FILIP1L: variants seen among roughly 807,000 people sequenced by gnomAD.
The protein encoded by FILIP1L is filamin A-interacting protein 1-like.
In FILIP1L, 55 loss-of-function variants were observed where a neutral mutation model predicts 96.6. The ratio of observed to expected loss-of-function variants is 0.57; its 90% confidence interval spans 0.46 to 0.71. The LOEUF is 0.71. Among genes scored for constraint, FILIP1L ranks in the 30% least tolerant of loss-of-function variants. FILIP1L has a pLI of 0.00. For synonymous variants in FILIP1L, 467 were observed against 473.9 expected (o/e 0.99, Z 0.19); for missense variants, 1,304 against 1,321.2 (o/e 0.99, Z 0.20).
intron 1 of FILIP1L, among the ~76,000 whole-genome samples, chr3:100,111,945 C>T (rs998074823): frequency 2.0e-5 from 3 of 152,184 alleles, no homozygotes; most frequent in African/African-American, 4.8e-5. Flanking sequence ...AGTAATCAGA[C>T]TCTCTGTGCA....
chr3:100,081,240 A>G (rs1265966875), intron 1 of FILIP1L, among the ~76,000 whole-genome samples: 1 of 152,218 alleles, frequency 6.6e-6, no homozygotes, highest in East Asian at 1.9e-4. Flanking sequence ...TGTTCAAGAG[A>G]TAAATCATCT....
rs1353431293 is a variant in FILIP1L at position 99,850,126 on chromosome 3, T to A, written c.1550A>T (p.Lys517Ile). Residue 517 changes from lysine to isoleucine, a missense_variant, in exon 5 of 6, where the codon AAA (lysine) becomes ATA (isoleucine). Transcript: ENST00000477258. ...AAGCTGAGAAGAAGCAGCTTGTAAT[T>A]TATCTTCAGTTTTCTTTAATTTTTC... is the stretch of plus-strand genomic sequence containing the variant. ...MSEKLKKTED[K>I]LQAASSQLQV... 4.3e-6 allele frequency: 7 copies of A among 1,612,396 alleles called. No individual in the cohort carries two copies. The African/African-American group carries it at 8.0e-5, about 18-fold the overall frequency.
chr3:100,055,966 G>A (rs1432705978), intron 1 of FILIP1L, among the ~76,000 whole-genome samples: 2 of 152,126 alleles, frequency 1.3e-5, no homozygotes, highest in Admixed American at 1.3e-4. Context: ...CTTGTGTATG[G>A]AGTCCAAGCT....
chr3:99,996,791 G>A (rs1254857727), intron 1 of FILIP1L, among the ~76,000 whole-genome samples: 2 of 151,730 alleles, frequency 1.3e-5, no homozygotes, highest in Non-Finnish European at 2.9e-5. Context: ...GGGGAAAACC[G>A]GCCCCATGAT....
In FILIP1L at chr3:99,849,026, C is replaced by G. The variant is rs28362487; in HGVS notation, c.2650G>C (p.Ala884Pro). Residue 884 changes from alanine to proline, a missense_variant, in exon 5 of 6, where the codon GCC (alanine) becomes CCC (proline). Coordinates refer to ENST00000477258, the MANE Select transcript of FILIP1L (RefSeq NM_001387850.1). ...AGATCTCCAGGTTGCACAAAGTTGG[C>G]ATTGGGTTTAGTTTGCATTTTTCCA... is the stretch of plus-strand genomic sequence containing the variant. ...QNGKMQTKPN[A>P]NFVQPGDLVL... is the part of the protein sequence containing the mutation. The G allele has an allele frequency of 3.4e-4, 551 of 1,614,056 alleles. 9 individuals are homozygous for G. In the East Asian group the frequency reaches 0.012, roughly 36 times the overall value.
In FILIP1L at chr3:99,924,333, G is replaced by C. The variant is rs767721300; in HGVS notation, c.502C>G (p.Arg168Gly). ...TCCAACTCCAATATGGTTTGCCTAC[G>C]GGATTTTTCTGCCACTAAAAGCTGT... ...LGQLLVAEKS[R>G]RQTILELEEE... The change falls in exon 4 of 6, where the codon CGT becomes GGT. Residue 168 changes from arginine to glycine, a missense_variant. Coordinates refer to ENST00000477258, the MANE Select transcript of FILIP1L (RefSeq NM_001387850.1). 1 of 1,613,892 alleles carries C rather than the reference G, an allele frequency of 6.2e-7. No homozygotes were observed. Among genetic ancestry groups the C allele is most frequent in the Admixed American group, 1.7e-5 (1 of 60,018 alleles).
intron 1 of FILIP1L, among the ~76,000 whole-genome samples, chr3:99,996,389 C>T (rs1709681323): frequency 6.6e-6 from 1 of 152,200 alleles, no homozygotes; most frequent in Admixed American, 6.5e-5. Context: ...CAAAGCCATT[C>T]AGCAAGTCTC....
chr3:100,022,660 A>G (rs1264844448), intron 1 of FILIP1L, among the ~76,000 whole-genome samples: 2 of 152,200 alleles, frequency 1.3e-5, no homozygotes, highest in African/African-American at 2.4e-5. Context: ...AAAGAGGGAG[A>G]TTCCATTCTG....
intron 4 of FILIP1L, among the ~76,000 whole-genome samples, chr3:99,864,916 A>C (rs549975929): frequency 3.3e-5 from 5 of 152,300 alleles, no homozygotes; most frequent in African/African-American, 9.6e-5. Context: ...GTATGTGCGC[A>C]CACACGCATC....
intron 1 of FILIP1L, among the ~76,000 whole-genome samples, chr3:100,077,763 AGC>A: frequency 6.6e-6 from 1 of 152,260 alleles, no homozygotes; most frequent in South Asian, 2.1e-4. Context: ...TAAAAAAATT[AGC>A]CAAGCATGGC....
At chr3:100,010,612 CTTT>C (rs71625546) in intron 1 of FILIP1L, among the ~76,000 whole-genome samples, 1 of 141,466 alleles carries the variant, frequency 7.1e-6, no homozygotes, top group Non-Finnish European at 1.5e-5. Context: ...GTTTTTCTTT[CTTT>C]TTTTTTTTTT....
At chr3:99,866,002 C>T (rs1432920110) in intron 4 of FILIP1L, among the ~76,000 whole-genome samples, 1 of 151,952 alleles carries the variant, frequency 6.6e-6, no homozygotes, top group Non-Finnish European at 1.5e-5. Context: ...TTAGATATTG[C>T]ACGTGGGCAT....
intron 5 of FILIP1L, among the ~76,000 whole-genome samples, chr3:99,832,507 G>C (rs1391807882): frequency 6.9e-6 from 1 of 144,082 alleles, no homozygotes; most frequent in Non-Finnish European, 1.5e-5. Context: ...TGGGATTACA[G>C]GTGTGAGCCA....
intron 1 of FILIP1L, among the ~76,000 whole-genome samples, chr3:100,042,483 T>A (rs1221818893): frequency 6.6e-6 from 1 of 152,202 alleles, no homozygotes; most frequent in Non-Finnish European, 1.5e-5. Flanking sequence ...TTGTGCACCT[T>A]TTGACTAATC....
intron 4 of FILIP1L, chr3:99,876,169 A>T: frequency 1.0e-6 from 1 of 985,548 alleles, no homozygotes; most frequent in Non-Finnish European, 1.2e-6. Context: ...TCGCCCGAAC[A>T]ATGCGAGCGG....
At chr3:99,831,994 G>T (rs1230193393) in intron 5 of FILIP1L, among the ~76,000 whole-genome samples, 1 of 152,172 alleles carries the variant, frequency 6.6e-6, no homozygotes, top group Non-Finnish European at 1.5e-5. Flanking sequence ...GGTGGAGCTC[G>T]TTTCTTTTGA....
intron 5 of FILIP1L, among the ~76,000 whole-genome samples, chr3:99,843,012 C>T (rs537373379): frequency 4.4e-4 from 67 of 152,294 alleles, no homozygotes; most frequent in African/African-American, 1.3e-3. Flanking sequence ...GGAAAGGGTC[C>T]ATCTGCTGGA....
intron 4 of FILIP1L, among the ~76,000 whole-genome samples, chr3:99,892,614 A>G (rs1324539617): frequency 6.6e-6 from 1 of 152,108 alleles, no homozygotes; most frequent in East Asian, 1.9e-4. Context: ...AGTTCCAGGC[A>G]TCTCATCCAA....
Position 99,848,854 on chromosome 3 carries a change from G to A in FILIP1L, c.2822C>T (p.Thr941Met), listed in dbSNP as rs374858996. 144 of 1,614,102 alleles carry A rather than the reference G, an allele frequency of 8.9e-5. 1 individual carries two copies. Among genetic ancestry groups the A allele is most frequent in the East Asian group, 6.2e-4 (28 of 44,878 alleles). Residue 941 changes from threonine (T) to methionine (M), a missense_variant, in exon 5 of 6, where the codon ACG becomes ATG. Physicochemically the swap from Thr to Met is moderately conservative, Grantham distance 81. Transcript: ENST00000477258. ...GAGGATGGTTATCCTTTGCTTTGGC[G>A]TGCCACAGTTCGGTATCACTGCAGT... Reference protein sequence around the residue: ...TSTAVIPNCGTPKQRITILQN... With the variant: ...TSTAVIPNCGMPKQRITILQN...
Sources: allele counts gnomAD v4.1 joint callset (sites outside exome capture counted in the v4.1 genomes callset), GRCh38; gene constraint gnomAD v4.1.1; transcripts MANE v1.5; gene names NCBI Gene and HGNC (gene_info 2026-07-23, HGNC 2026-07-21).